The following LRMDA variants were observed in gnomAD, a reference collection of about 807,000 sequenced individuals.
LRMDA encodes the protein leucine-rich melanocyte differentiation-associated protein.
Under a neutral mutation model 29.8 loss-of-function variants are expected in LRMDA, and 18 were observed. The ratio of observed to expected loss-of-function variants is 0.60; its 90% CI spans 0.42 to 0.90. The LOEUF is 0.90. Among genes scored for constraint, LRMDA ranks in the 40% least tolerant of loss-of-function variants. The pLI, the probability that LRMDA is intolerant of heterozygous loss-of-function variation, is 0.00. For synonymous variants in LRMDA, 125 were observed against 109.4 expected, an observed-to-expected ratio of 1.14 and a Z score of -0.89; for missense variants, 273 against 273.9, an observed-to-expected ratio of 1.00 and a Z score of 0.02.
At chr10:75,796,642 G>A (rs1010396940) in intron 2 of LRMDA, among the ~76,000 whole-genome samples, 9 of 152,024 alleles carry the variant, frequency 5.9e-5, no homozygotes, top group Admixed American at 2.0e-4. Flanking sequence ...GTGTGAACTC[G>A]GCTCACTGCA....
chr10:76,381,653 T>C (rs10762721), intron 6 of LRMDA, among the ~76,000 whole-genome samples: 135,097 of 152,168 alleles, frequency 0.89, 60,670 homozygotes, highest in Non-Finnish European at 0.95. Flanking sequence ...TCCCACTCCT[T>C]TAGCTCTTTG....
At chr10:76,047,021 G>T in intron 3 of LRMDA, 143 bp from the exon 4 acceptor site, 1 of 878,364 alleles carries the variant, frequency 1.1e-6, no homozygotes, top group Non-Finnish European at 1.8e-6. Flanking sequence ...TAGCAATACC[G>T]TATACCCACA....
intron 2 of LRMDA, among the ~76,000 whole-genome samples, chr10:75,885,441 A>G (rs924183856): frequency 1.3e-5 from 2 of 152,278 alleles, no homozygotes; most frequent in East Asian, 1.9e-4. Context: ...AAAATGTTGC[A>G]AGGTCTCTGT....
At chr10:76,422,294 C>A (rs2132521880) in intron 6 of LRMDA, among the ~76,000 whole-genome samples, 1 of 152,220 alleles carries the variant, frequency 6.6e-6, no homozygotes, top group East Asian at 1.9e-4. Context: ...AGATCTTATC[C>A]TCTCAGGTCG....
chr10:76,267,956 A>G (rs1270114026), intron 5 of LRMDA, among the ~76,000 whole-genome samples: 1 of 152,226 alleles, frequency 6.6e-6, no homozygotes, highest in Non-Finnish European at 1.5e-5. Flanking sequence ...ACGTAATATT[A>G]CATATTGCTA....
intron 3 of LRMDA, among the ~76,000 whole-genome samples, chr10:76,039,168 C>T (rs4746349): frequency 0.36 from 55,035 of 152,110 alleles, 11,161 homozygotes; most frequent in Non-Finnish European, 0.45. Flanking sequence ...AACTGTAGAA[C>T]AAATATGGGA....
chr10:76,552,647 A>G (rs1168132461), intron 6 of LRMDA, among the ~76,000 whole-genome samples: 1 of 152,222 alleles, frequency 6.6e-6, no homozygotes, highest in Non-Finnish European at 1.5e-5. Context: ...CAAATGGGGA[A>G]ACCTGCCCAG....
chr10:76,269,404 T>A (rs1330090271), intron 5 of LRMDA, among the ~76,000 whole-genome samples: 1 of 152,176 alleles, frequency 6.6e-6, no homozygotes, highest in African/African-American at 2.4e-5. Context: ...AGGCCACTCA[T>A]GACTGTGCCA....
chr10:76,106,449 C>G (rs1351903379), intron 5 of LRMDA, among the ~76,000 whole-genome samples: 1 of 152,146 alleles, frequency 6.6e-6, no homozygotes, highest in Non-Finnish European at 1.5e-5. Context: ...GATGGGAACC[C>G]CTGTTGGTCT....
At chr10:76,238,346 T>C (rs1852199670) in intron 5 of LRMDA, among the ~76,000 whole-genome samples, 1 of 152,134 alleles carries the variant, frequency 6.6e-6, no homozygotes, top group African/African-American at 2.4e-5. Flanking sequence ...TAAAAGACTT[T>C]TAGCAAGATG....
At chr10:76,555,822 G>GAA (rs148728406) in intron 6 of LRMDA, among the ~76,000 whole-genome samples, 31 of 146,630 alleles carry the variant, frequency 2.1e-4, no homozygotes, top group African/African-American at 7.7e-4. Context: ...CACACTGATG[G>GAA]AAAAAAAAAT....
At position 75,905,057 on chromosome 10, in the gene LRMDA, A is replaced by T. The variant is rs567968802; in HGVS notation, c.132-130951A>T. ...CGTGCATCCAGTGTAATGAGAAAAT[A>T]TGGACAGGCACAATTTCACAAGTTG... On this transcript the variant is annotated intron_variant, in intron 2 of 6. Coordinates refer to ENST00000611255, the MANE Select transcript of LRMDA (RefSeq NM_001305581.2). 3.1e-4 allele frequency among the ~76,000 whole-genome samples: 47 copies of T among 152,302 alleles called. No homozygotes were observed. In the East Asian group the frequency reaches 7.3e-3, roughly 24 times the overall value.
chr10:75,809,173 C>T lies in LRMDA; in HGVS notation c.132-226835C>T, dbSNP rs114325486. ...CTGAGTGTGTCCTGTCAGTAGCACT[C>T]GGGGAGGATCAGCCACCTTGCTGCC... On this transcript the variant is annotated intron_variant, in intron 2 of 6. Transcript: ENST00000611255. Among the ~76,000 whole-genome samples, 129 of 152,320 alleles carry T rather than the reference C, an allele frequency of 8.5e-4. 1 individual carries two copies. Among genetic ancestry groups the T allele is most frequent in the African/African-American group, 3.0e-3 (124 of 41,564 alleles).
intron 6 of LRMDA, among the ~76,000 whole-genome samples, chr10:76,325,700 A>T (rs1385544678): frequency 6.6e-6 from 1 of 152,170 alleles, no homozygotes; most frequent in Non-Finnish European, 1.5e-5. Flanking sequence ...CTTTAGAGTC[A>T]TTGAATAAGT....
At chr10:76,554,613 A>T (rs1843532064) in intron 6 of LRMDA, among the ~76,000 whole-genome samples, 1 of 152,196 alleles carries the variant, frequency 6.6e-6, no homozygotes. Flanking sequence ...TTCCAGGCCC[A>T]AAGAAACAGG....
chr10:75,911,375 C>T (rs1845840894), intron 2 of LRMDA, among the ~76,000 whole-genome samples: 1 of 152,102 alleles, frequency 6.6e-6, no homozygotes, highest in African/African-American at 2.4e-5. Context: ...ATTCTCAATC[C>T]CAGTTCCTGG....
At chr10:75,681,114 C>G (rs2132152410) in intron 2 of LRMDA, among the ~76,000 whole-genome samples, 1 of 152,268 alleles carries the variant, frequency 6.6e-6, no homozygotes, top group Non-Finnish European at 1.5e-5. Flanking sequence ...TTACCTTATG[C>G]TCAGGAGCCC....
intron 6 of LRMDA, among the ~76,000 whole-genome samples, chr10:76,395,327 A>G (rs970097105): frequency 1.2e-4 from 18 of 152,338 alleles, no homozygotes; most frequent in South Asian, 6.2e-4. Context: ...TCTATATAAT[A>G]TGCATCTTTG....
At chr10:76,100,240 C>T (rs898930597) in intron 5 of LRMDA, among the ~76,000 whole-genome samples, 4 of 152,032 alleles carry the variant, frequency 2.6e-5, no homozygotes, top group Admixed American at 6.5e-5. Context: ...AAACCAGGTT[C>T]TTGTCACATG....
Sources: gnomAD v4.1 joint callset for allele counts (sites outside exome capture counted in the v4.1 genomes callset) on GRCh38, gnomAD v4.1.1 for gene constraint, MANE v1.5 for transcripts, NCBI Gene and HGNC (gene_info 2026-07-23, HGNC 2026-07-21) for gene names.